Variants in NAV3 observed in about 807,000 individuals in gnomAD.
NAV3 encodes neuron navigator 3.
In NAV3, 87 loss-of-function variants were observed where a neutral mutation model predicts 244.7. That is an observed-to-expected ratio of 0.36 (90% CI 0.30 to 0.42). The LOEUF is 0.42. NAV3 is among the 20% of genes least tolerant of loss of function. The pLI is 1.00. For missense variants in NAV3, 2,663 were observed against 2,893.3 expected (o/e 0.92, Z 1.83); for synonymous variants, 1,126 against 1,042.2 (o/e 1.08, Z -1.55).
rs555422822 is a variant in NAV3 at position 77,915,644 on chromosome 12, T to C, written c.244-24675T>C. Among the ~76,000 whole-genome samples, 8 of 152,126 alleles carry C rather than the reference T, an allele frequency of 5.3e-5. No homozygotes were observed. The South Asian group carries it at 1.7e-3, about 32-fold the overall frequency. On this transcript the variant is annotated intron_variant, in intron 1 of 39. Transcript: ENST00000397909. ...CAAAATTTTGTCAGGATGAGGAGGG[T>C]ACATTTTCTATATCCCTGAAGATAG...
chr12:77,631,965 A>G (rs756262475), intron 2 of NAV3, among the ~76,000 whole-genome samples: 4 of 152,184 alleles, frequency 2.6e-5, no homozygotes, highest in Admixed American at 6.5e-5. Flanking sequence ...TTCCTTTTCC[A>G]GTCATTGACT....
chr12:77,625,506 CT>C (rs1871578309), intron 2 of NAV3, among the ~76,000 whole-genome samples: 1 of 152,124 alleles, frequency 6.6e-6, no homozygotes, highest in South Asian at 2.1e-4. Context: ...TCTTATTATA[CT>C]CGTGAAATGA....
In NAV3 at chr12:78,191,596, A is replaced by G. The variant is rs184508655; in HGVS notation, c.6291+1377A>G. On this transcript the variant is annotated intron_variant, in intron 34 of 39. Coordinates refer to ENST00000397909, the MANE Select transcript of NAV3 (RefSeq NM_001024383.2). ...GAATATTTCCTTGGAACTCAGACCT[A>G]TTCAAATGTGGTTGAACCACCATCT... 6.6e-5 allele frequency among the ~76,000 whole-genome samples: 10 copies of G among 152,300 alleles called. No homozygotes were observed. In the East Asian group the frequency reaches 1.9e-3, roughly 29 times the overall value.
intron 12 of NAV3, among the ~76,000 whole-genome samples, chr12:78,112,066 G>A (rs1443061046): frequency 6.6e-6 from 1 of 152,120 alleles, no homozygotes; most frequent in Admixed American, 6.6e-5. Context: ...CTTTTTGCAG[G>A]CTATTAGCGA....
chr12:78,199,700 A>G (rs907867521), intron 37 of NAV3, among the ~76,000 whole-genome samples, 169 bp downstream of exon 37: 3 of 152,072 alleles, frequency 2.0e-5, no homozygotes, highest in African/African-American at 2.4e-5. Context: ...TGTATCTCCA[A>G]TTAAATCCAT....
At chr12:77,621,774 G>A (rs762315219) in intron 2 of NAV3, among the ~76,000 whole-genome samples, 60 of 151,984 alleles carry the variant, frequency 3.9e-4, no homozygotes, top group Admixed American at 7.2e-4. Context: ...CACTGCACCC[G>A]GCCTGAACTC....
intron 2 of NAV3, among the ~76,000 whole-genome samples, chr12:77,605,602 T>C (rs1011866329): frequency 8.5e-4 from 129 of 152,294 alleles, no homozygotes; most frequent in African/African-American, 2.8e-3. Context: ...GTGTTCATTT[T>C]GTCCTGTAAG....
chr12:78,134,207 T>C (rs571841980), intron 18 of NAV3, among the ~76,000 whole-genome samples: 1 of 152,308 alleles, frequency 6.6e-6, no homozygotes, highest in East Asian at 1.9e-4. Flanking sequence ...CATCTTCGTG[T>C]TCAACCTTCA....
At chr12:77,721,493 T>C (rs940119346) in intron 2 of NAV3, among the ~76,000 whole-genome samples, 1 of 152,196 alleles carries the variant, frequency 6.6e-6, no homozygotes, top group Non-Finnish European at 1.5e-5. Flanking sequence ...TAAGATATGC[T>C]GAGAACCTGA....
At chr12:77,975,884 G>A (rs997862) in intron 5 of NAV3, among the ~76,000 whole-genome samples, 19,790 of 152,180 alleles carry the variant, frequency 0.13, 1,317 homozygotes, top group East Asian at 0.23. Context: ...ATAGAGTGTA[G>A]TAGGGAAAAG....
chr12:77,968,624 A>C lies in NAV3; in HGVS notation c.593A>C (p.Glu198Ala), dbSNP rs2137992179. ...CAACAGTACTATCAGTCCTTGGTGG[A>C]ACTTCAGCAGCGAGTTACTCACGCT... ...HQQQYYQSLV[E>A]LQQRVTHASP... The change falls in exon 5 of 40, where the codon GAA becomes GCA. Residue 198 changes from glutamate (E) to alanine (A), a missense_variant. By Grantham distance (107) the Glu-to-Ala change is moderately radical (BLOSUM62 -1). This residue lies in a region of NAV3 where 1,521 missense variants were observed against 1,497.0 expected (regional missense o/e 1.02). Transcript: ENST00000397909. 1.2e-6 allele frequency: 2 copies of C among 1,614,146 alleles called. No homozygotes were observed. The highest frequency in any genetic ancestry group is 4.5e-5 in the East Asian group (2 of 44,878).
chr12:78,115,764 A>T (rs750752821), intron 12 of NAV3, among the ~76,000 whole-genome samples: 16 of 152,172 alleles, frequency 1.1e-4, no homozygotes, highest in Non-Finnish European at 2.2e-4. Context: ...GTACAGTAAC[A>T]TGCTGTACAC....
intron 24 of NAV3, among the ~76,000 whole-genome samples, chr12:78,173,049 G>A (rs771228719): frequency 5.9e-5 from 9 of 151,674 alleles, no homozygotes; most frequent in East Asian, 3.9e-4. Context: ...GGAAAATGAC[G>A]AGTGAACAAA....
chr12:78,165,224 G>T (rs144167184), intron 23 of NAV3, among the ~76,000 whole-genome samples: 1 of 151,954 alleles, frequency 6.6e-6, no homozygotes. Flanking sequence ...TGGTTCTCAG[G>T]TTTTAAAATA....
At chr12:78,087,258 G>A (rs984414108) in intron 12 of NAV3, among the ~76,000 whole-genome samples, 2 of 152,022 alleles carry the variant, frequency 1.3e-5, no homozygotes, top group Non-Finnish European at 2.9e-5. Context: ...AATCTTCTAT[G>A]AGAACTGATT....
chr12:78,031,818 T>C (rs1473740992), intron 9 of NAV3, among the ~76,000 whole-genome samples: 1 of 151,372 alleles, frequency 6.6e-6, no homozygotes, highest in Non-Finnish European at 1.5e-5. Context: ...CGCACCAGCA[T>C]GGCACATGTA....
At chr12:77,704,018 A>C (rs1875679448) in intron 2 of NAV3, among the ~76,000 whole-genome samples, 1 of 152,190 alleles carries the variant, frequency 6.6e-6, no homozygotes, top group Admixed American at 6.5e-5. Flanking sequence ...AGAAATGGAT[A>C]TCTTGTTGAG....
intron 1 of NAV3, among the ~76,000 whole-genome samples, chr12:77,886,003 C>G (rs1018631850): frequency 1.3e-5 from 2 of 151,978 alleles, no homozygotes; most frequent in Non-Finnish European, 2.9e-5. Context: ...TTCAGTTCTC[C>G]CCTTGTCTAC....
chr12:77,702,352 A>G (rs1430673460), intron 2 of NAV3, among the ~76,000 whole-genome samples: 1 of 151,884 alleles, frequency 6.6e-6, no homozygotes, highest in Non-Finnish European at 1.5e-5. Flanking sequence ...TTTCTATTTA[A>G]AGTCTATCTC....
Sources: gnomAD v4.1 joint callset for allele counts (sites outside exome capture counted in the v4.1 genomes callset) on GRCh38, gnomAD v4.1.1 for gene constraint, gnomAD v4.1.1 regional missense constraint, MANE v1.5 for transcripts, NCBI Gene and HGNC (gene_info 2026-07-23, HGNC 2026-07-21) for gene names.